Variants in WNT8A observed in about 807,000 individuals in gnomAD.
The protein encoded by WNT8A is Wnt family member 8A.
A neutral mutation model predicts 20.5 loss-of-function variants in WNT8A; 14 were observed. That is an observed-to-expected ratio of 0.68 (90% CI 0.45 to 1.07). The LOEUF is 1.07. Among genes scored for constraint, WNT8A ranks in the 50% least tolerant of loss-of-function variants. The pLI, the probability that WNT8A is intolerant of heterozygous loss-of-function variation, is 0.00. For missense variants in WNT8A, 397 were observed against 462.9 expected (o/e 0.86, Z 1.31); for synonymous variants, 167 against 169.2 (o/e 0.99, Z 0.10).
At chr5:138,084,015 G>T, upstream of WNT8A, 1 of 1,395,788 alleles carries the variant, frequency 7.2e-7, no homozygotes, top group Non-Finnish European at 9.9e-7. Flanking sequence ...TAAATACTGA[G>T]GAAGACCCTG....
chr5:138,077,857 G>A, the WNT8A span, among the ~76,000 whole-genome samples: 1 of 152,044 alleles, frequency 6.6e-6, no homozygotes, highest in East Asian at 1.9e-4. Flanking sequence ...CCAGCCTTAG[G>A]CAGCTCCCAG....
At position 138,084,036 on chromosome 5, in the gene WNT8A, A is replaced by G. The variant is rs10036244; in HGVS notation, c.-92A>G. 254,369 of 1,552,552 alleles carry G rather than the reference A, an allele frequency of 0.16. 21,930 individuals are homozygous for G. The highest frequency in any genetic ancestry group is 0.17 in the Middle Eastern group (884 of 5,110). ...CTGAGGAAGACCCTGCCCTCTCCTCACTTCTCTGGACTTGGCCCTGAGCTG... is the reference window on the plus strand; with the variant it reads ...CTGAGGAAGACCCTGCCCTCTCCTCGCTTCTCTGGACTTGGCCCTGAGCTG... On this transcript the variant is annotated 5_prime_UTR_variant, in exon 1 of 5. Transcript: ENST00000506684.
rs750234528 is a variant in WNT8A, at chr5:138,087,942, C to A, written c.421+11C>A. On this transcript the variant is annotated intron_variant, in intron 3 of 4. Transcript: ENST00000506684. ...ACAATGGAAAAACAGGTAAGTTGAG[C>A]TTTCTAATGGGGGTGGGAAGAGGTG... The A allele has an allele frequency of 9.3e-6, 15 of 1,613,062 alleles. No homozygotes were observed. The South Asian group carries it at 1.5e-4, about 17-fold the overall frequency.
upstream of WNT8A, among the ~76,000 whole-genome samples, chr5:138,080,407 A>C (rs1750471825): frequency 7.0e-6 from 1 of 142,750 alleles, no homozygotes; most frequent in Admixed American, 7.2e-5. Context: ...TTTCTGGCCT[A>C]CAATCACCTC....
At chr5:138,081,420 G>A (rs939192366), upstream of WNT8A, among the ~76,000 whole-genome samples, 27 of 152,230 alleles carry the variant, frequency 1.8e-4, no homozygotes, top group African/African-American at 5.3e-4. Context: ...CACACAGGAA[G>A]TGAAAGCGGA....
At chr5:138,085,093 C>G (rs1290520460) in intron 2 of WNT8A, among the ~76,000 whole-genome samples, 1 of 152,088 alleles carries the variant, frequency 6.6e-6, no homozygotes, top group Non-Finnish European at 1.5e-5. Flanking sequence ...TGCAACATGC[C>G]TGGCTAATTT....
upstream of WNT8A, among the ~76,000 whole-genome samples, chr5:138,079,141 C>A (rs981764879): frequency 6.6e-6 from 1 of 152,024 alleles, no homozygotes; most frequent in African/African-American, 2.4e-5. Flanking sequence ...TTCCACTTTA[C>A]CTCCCTGTGG....
Position 138,090,510 on chromosome 5 carries a change from T to C in WNT8A, c.565-18T>C, listed in dbSNP as rs370428602. ...TTCCCTACTCAGAGCCATTCTCTTT[T>C]GTGTTCTCTCTATGAAGGCAGTGAG... On this transcript the variant is annotated intron_variant, in intron 4 of 4. Transcript: ENST00000506684. The C allele has an allele frequency of 4.3e-6, 7 of 1,609,768 alleles. No individual in the cohort carries two copies. In the African/African-American group the frequency reaches 8.0e-5, roughly 18 times the overall value.
chr5:138,088,018 G>A, intron 3 of WNT8A, 87 bp downstream of exon 3: 1 of 1,562,076 alleles, frequency 6.4e-7, no homozygotes, highest in South Asian at 1.2e-5. Flanking sequence ...AAAGGCTGAG[G>A]GACACAGCTC....
chr5:138,082,790 T>C (rs1750540733), upstream of WNT8A, among the ~76,000 whole-genome samples: 1 of 151,448 alleles, frequency 6.6e-6, no homozygotes, highest in Non-Finnish European at 1.5e-5. Context: ...GGCAGGAGAA[T>C]TGCTCGATCC....
chr5:138,087,137 A>G (rs1750692173), intron 2 of WNT8A, among the ~76,000 whole-genome samples: 1 of 145,882 alleles, frequency 6.9e-6, no homozygotes, highest in African/African-American at 2.6e-5. Context: ...CAGGTGGGTC[A>G]CCTGAGATCA....
Position 138,091,423 on chromosome 5 carries a change from G to C in WNT8A, c.*350G>C, listed in dbSNP as rs1162393609. 3 of 1,362,952 alleles carry C rather than the reference G, an allele frequency of 2.2e-6. No individual in the cohort carries two copies. Among genetic ancestry groups the C allele is most frequent in the Non-Finnish European group, 2.9e-6 (3 of 1,029,460 alleles). The allele number at this position is 1,362,952 out of a possible 1,614,324, so 84.4% of individuals were successfully genotyped here. On this transcript the variant is annotated 3_prime_UTR_variant, in exon 5 of 5. Transcript: ENST00000506684. Reference sequence around the variant, plus strand: ...AAAGTATTTGTTCCTTTAAATTTCAGACCATGTCCAACCCAGCTGTGCTGC... The same window carrying C: ...AAAGTATTTGTTCCTTTAAATTTCACACCATGTCCAACCCAGCTGTGCTGC...
chr5:138,091,689 G>C (rs997827832), downstream of WNT8A: 33 of 368,370 alleles, frequency 9.0e-5, 1 homozygote, highest in Admixed American at 1.4e-3. Flanking sequence ...AGCTAGGTGT[G>C]GTGGCACTTG....
upstream of WNT8A, among the ~76,000 whole-genome samples, chr5:138,080,451 T>TGTTTTTTG (rs772460841): frequency 1.1e-5 from 1 of 93,706 alleles, no homozygotes; most frequent in South Asian, 2.9e-4. Context: ...CTTGTTTTTT[T>TGTTTTTTG]TTTTTTTTTT....
chr5:138,083,769 G>A, upstream of WNT8A: 1 of 252,486 alleles, frequency 4.0e-6, no homozygotes. Flanking sequence ...GAAGCAGGAA[G>A]AGACAAAATT....
upstream of WNT8A, among the ~76,000 whole-genome samples, chr5:138,081,288 G>A (rs1383995065): frequency 6.6e-6 from 1 of 151,442 alleles, no homozygotes; most frequent in Non-Finnish European, 1.5e-5. Context: ...AGCGAGCACA[G>A]TTTGCATACA....
At chr5:138,086,933 C>G (rs1160855690) in intron 2 of WNT8A, among the ~76,000 whole-genome samples, 1 of 150,652 alleles carries the variant, frequency 6.6e-6, no homozygotes, top group Admixed American at 6.6e-5. Flanking sequence ...ATAGTCCCAG[C>G]TACTCAGGAG....
chr5:138,083,952 C>A, upstream of WNT8A: 1 of 832,592 alleles, frequency 1.2e-6, no homozygotes, highest in East Asian at 2.7e-5. Context: ...CAGTTAGGAA[C>A]AAATGAGAAG....
upstream of WNT8A, among the ~76,000 whole-genome samples, chr5:138,080,979 C>T (rs940387329): frequency 2.0e-5 from 3 of 152,174 alleles, no homozygotes; most frequent in African/African-American, 7.2e-5. Flanking sequence ...CAGTGGCTCA[C>T]GCCTGTAATC....
Sources: gnomAD v4.1 joint callset for allele counts (sites outside exome capture counted in the v4.1 genomes callset) on GRCh38, gnomAD v4.1.1 for gene constraint, MANE v1.5 for transcripts, NCBI Gene and HGNC (gene_info 2026-07-23, HGNC 2026-07-21) for gene names.